Variants in FBXL17 observed in about 807,000 individuals in gnomAD.
FBXL17 encodes the protein F-box/LRR-repeat protein 17.
In FBXL17, 22 loss-of-function variants were observed where a neutral mutation model predicts 66.2. The ratio of observed to expected loss-of-function variants is 0.33; its 90% CI spans 0.24 to 0.47. FBXL17 has a LOEUF of 0.47. FBXL17 is among the 20% of genes least tolerant of loss of function. FBXL17 has a pLI of 1.00. For synonymous variants in FBXL17, 474 were observed against 400.5 expected (o/e 1.18, Z -2.19); for missense variants, 878 against 948.2 (o/e 0.93, Z 0.97).
chr5:107,949,749 T>G (rs969131277), intron 7 of FBXL17, among the ~76,000 whole-genome samples: 4 of 152,170 alleles, frequency 2.6e-5, no homozygotes, highest in Non-Finnish European at 5.9e-5. Context: ...CTTTACAAAA[T>G]TATTCATTTA....
intron 6 of FBXL17, among the ~76,000 whole-genome samples, chr5:108,152,512 G>A (rs1449050173): frequency 6.6e-6 from 1 of 152,066 alleles, no homozygotes; most frequent in Non-Finnish European, 1.5e-5. Context: ...TTTTGCCTCG[G>A]GCTCTAGTAT....
chr5:107,892,029 C>T (rs1365254510), intron 7 of FBXL17, among the ~76,000 whole-genome samples: 1 of 152,110 alleles, frequency 6.6e-6, no homozygotes, highest in Non-Finnish European at 1.5e-5. Context: ...CAGACATTTA[C>T]ATCAGCCTAC....
chr5:107,946,220 G>T, intron 7 of FBXL17, among the ~76,000 whole-genome samples: 1 of 123,864 alleles, frequency 8.1e-6, no homozygotes, highest in African/African-American at 3.1e-5. Context: ...GATGCCCAAA[G>T]TTGTTCTAGT....
At chr5:107,944,118 T>C (rs1195744243) in intron 7 of FBXL17, among the ~76,000 whole-genome samples, 1 of 152,252 alleles carries the variant, frequency 6.6e-6, no homozygotes, top group Non-Finnish European at 1.5e-5. Flanking sequence ...TAAGCCTTCC[T>C]TGACTCCTCT....
At chr5:108,171,846 T>C (rs1377132077) in intron 6 of FBXL17, among the ~76,000 whole-genome samples, 2 of 152,220 alleles carry the variant, frequency 1.3e-5, no homozygotes, top group East Asian at 1.9e-4. Flanking sequence ...AATTGAATCA[T>C]GGGGGCAGGT....
rs141880855 is a variant in FBXL17, at chr5:108,269,735, T to C, written c.1507-45507A>G. On this transcript the variant is annotated intron_variant, in intron 4 of 8. Coordinates refer to ENST00000542267, the MANE Select transcript of FBXL17 (RefSeq NM_001163315.3). Reference sequence around the variant, plus strand: ...AGGTCTTCCAAAGAAGAGAACCATGTATTATTTGTCTTGGAATCCATAGTA... The same window carrying C: ...AGGTCTTCCAAAGAAGAGAACCATGCATTATTTGTCTTGGAATCCATAGTA... 2.4e-4 allele frequency among the ~76,000 whole-genome samples: 37 copies of C among 152,116 alleles called. No homozygotes were observed. The East Asian group carries it at 7.0e-3, about 29-fold the overall frequency.
chr5:107,864,118 A>C (rs991191224), intron 8 of FBXL17, among the ~76,000 whole-genome samples: 17 of 152,238 alleles, frequency 1.1e-4, no homozygotes, highest in African/African-American at 3.6e-4. Context: ...TAGGACTGTT[A>C]TAGCGATTAA....
chr5:107,943,130 G>A (rs1357825461), intron 7 of FBXL17, among the ~76,000 whole-genome samples: 1 of 152,048 alleles, frequency 6.6e-6, no homozygotes, highest in African/African-American at 2.4e-5. Flanking sequence ...GTCATTGCTT[G>A]ACTCCCACTA....
At chr5:107,868,163 C>T (rs779496166) in intron 8 of FBXL17, among the ~76,000 whole-genome samples, 35 of 152,192 alleles carry the variant, frequency 2.3e-4, no homozygotes, top group Non-Finnish European at 4.7e-4. Context: ...AATTTGAATT[C>T]AGGACCCCAG....
intron 6 of FBXL17, among the ~76,000 whole-genome samples, chr5:108,033,507 C>G (rs1746720996): frequency 6.6e-6 from 1 of 152,092 alleles, no homozygotes; most frequent in Non-Finnish European, 1.5e-5. Flanking sequence ...TGCCCATTCC[C>G]ACTCACAAAT....
intron 5 of FBXL17, among the ~76,000 whole-genome samples, chr5:108,195,776 G>C (rs1753655815): frequency 1.3e-5 from 2 of 152,256 alleles, no homozygotes; most frequent in African/African-American, 4.8e-5. Flanking sequence ...TGGCTATACA[G>C]TATTTGAAAG....
At chr5:107,965,236 T>C (rs974847280) in intron 7 of FBXL17, among the ~76,000 whole-genome samples, 9 of 152,142 alleles carry the variant, frequency 5.9e-5, no homozygotes, top group Admixed American at 2.6e-4. Flanking sequence ...TGAATTTCAC[T>C]TAAGGAATAT....
intron 6 of FBXL17, among the ~76,000 whole-genome samples, chr5:108,146,632 C>T (rs1311251191): frequency 1.3e-5 from 2 of 152,190 alleles, no homozygotes; most frequent in African/African-American, 4.8e-5. Context: ...AGCTATATAA[C>T]TTATGCCATC....
intron 6 of FBXL17, among the ~76,000 whole-genome samples, chr5:108,150,322 G>GC (rs2149995314): frequency 6.6e-6 from 1 of 152,034 alleles, no homozygotes; most frequent in South Asian, 2.1e-4. Context: ...TCCCACCTCA[G>GC]CCACCCCAGT....
chr5:108,312,325 C>T (rs1481270099), intron 4 of FBXL17, among the ~76,000 whole-genome samples: 1 of 152,092 alleles, frequency 6.6e-6, no homozygotes, highest in Non-Finnish European at 1.5e-5. Context: ...CTTCTAATTT[C>T]CATGTAGAAA....
At chr5:107,907,545 T>C (rs188576620) in intron 7 of FBXL17, among the ~76,000 whole-genome samples, 3 of 152,002 alleles carry the variant, frequency 2.0e-5, no homozygotes, top group Admixed American at 2.0e-4. Flanking sequence ...AACCTACTCA[T>C]CTGACAAAGG....
intron 8 of FBXL17, among the ~76,000 whole-genome samples, chr5:107,868,259 C>A (rs1048017237): frequency 5.3e-5 from 8 of 152,230 alleles, no homozygotes; most frequent in Non-Finnish European, 1.0e-4. Context: ...TGGGGCCTGG[C>A]TGATCTCCTG....
chr5:107,862,486 G>C (rs541330378), intron 8 of FBXL17, among the ~76,000 whole-genome samples: 13 of 152,216 alleles, frequency 8.5e-5, no homozygotes, highest in Admixed American at 7.2e-4. Context: ...AATCAGACAG[G>C]CCTAATTAAA....
At chr5:108,031,990 T>G (rs1380018912) in intron 6 of FBXL17, among the ~76,000 whole-genome samples, 2 of 152,152 alleles carry the variant, frequency 1.3e-5, no homozygotes, top group African/African-American at 4.8e-5. Context: ...CAAAGACACT[T>G]TTAGTCATTT....
Sources: allele counts gnomAD v4.1 joint callset (sites outside exome capture counted in the v4.1 genomes callset), GRCh38; gene constraint gnomAD v4.1.1; transcripts MANE v1.5; gene names NCBI Gene and HGNC (gene_info 2026-07-23, HGNC 2026-07-21).